The following SCAPER variants were observed in gnomAD, a reference collection of about 807,000 sequenced individuals.
SCAPER encodes the protein S phase cyclin A-associated protein in the endoplasmic reticulum.
A neutral mutation model predicts 182.2 loss-of-function variants in SCAPER; 98 were observed. That is an observed-to-expected ratio of 0.54 (90% CI 0.46 to 0.64). The LOEUF is 0.64. Among genes scored for constraint, SCAPER ranks in the 30% least tolerant of loss-of-function variants. The probability of loss-of-function intolerance (pLI) is 0.00; values close to 1 mark genes in which losing one functional copy is unlikely to be tolerated. For missense variants in SCAPER, 1,432 were observed against 1,690.0 expected (o/e 0.85, Z 2.68); for synonymous variants, 605 against 564.6 (o/e 1.07, Z -1.01).
At chr15:76,780,024 C>T (rs1257326799) in intron 8 of SCAPER, among the ~76,000 whole-genome samples, 1 of 152,218 alleles carries the variant, frequency 6.6e-6, no homozygotes, top group African/African-American at 2.4e-5. Flanking sequence ...CTCATTGTGA[C>T]TGGTTGGACA....
intron 15 of SCAPER, among the ~76,000 whole-genome samples, chr15:76,737,631 CTGAATTCTCTATAGCTA>C (rs937942749): frequency 6.6e-6 from 1 of 152,198 alleles, no homozygotes; most frequent in African/African-American, 2.4e-5. Context: ...AAGCCAAGCT[CTGAATTCTCTATAGCTA>C]TGAAAGTCCT....
At chr15:76,519,147 G>A (rs141741826) in intron 23 of SCAPER, among the ~76,000 whole-genome samples, 2 of 152,306 alleles carry the variant, frequency 1.3e-5, no homozygotes, top group Admixed American at 6.5e-5. Context: ...CTATTCATAA[G>A]GAGCACTTTT....
intron 24 of SCAPER, among the ~76,000 whole-genome samples, chr15:76,492,425 A>C (rs1016677529): frequency 6.6e-6 from 1 of 152,184 alleles, no homozygotes; most frequent in Non-Finnish European, 1.5e-5. Flanking sequence ...GGCAAGCCTG[A>C]AAATTTTTCC....
chr15:76,427,667 G>A (rs2046530204), intron 26 of SCAPER, among the ~76,000 whole-genome samples: 1 of 152,086 alleles, frequency 6.6e-6, no homozygotes, highest in African/African-American at 2.4e-5. Flanking sequence ...AAAACATAAT[G>A]AGACCCTGTC....
At chr15:76,826,569 TAAAA>T (rs35678906) in intron 5 of SCAPER, among the ~76,000 whole-genome samples, 7 of 144,122 alleles carry the variant, frequency 4.9e-5, no homozygotes, top group African/African-American at 5.1e-5. Context: ...TAATAATAAT[TAAAA>T]AAAAAAAAAA....
At chr15:76,707,251 A>G (rs187758260) in intron 17 of SCAPER, among the ~76,000 whole-genome samples, 1 of 152,268 alleles carries the variant, frequency 6.6e-6, no homozygotes, top group East Asian at 1.9e-4. Context: ...TAGAAAACAA[A>G]TATCAAAATG....
At chr15:76,760,124 T>A (rs2062686990) in intron 14 of SCAPER, among the ~76,000 whole-genome samples, 1 of 152,200 alleles carries the variant, frequency 6.6e-6, no homozygotes, top group Non-Finnish European at 1.5e-5. Flanking sequence ...TGTCATATAA[T>A]TCAATCCAAT....
chr15:76,692,061 G>A (rs1159372480), intron 20 of SCAPER, among the ~76,000 whole-genome samples: 1 of 152,120 alleles, frequency 6.6e-6, no homozygotes, highest in Non-Finnish European at 1.5e-5. Flanking sequence ...TAAAAGGCTG[G>A]AAATTGAGAA....
chr15:76,710,794 A>G (rs1317217842), intron 17 of SCAPER, among the ~76,000 whole-genome samples: 1 of 152,172 alleles, frequency 6.6e-6, no homozygotes, highest in African/African-American at 2.4e-5. Flanking sequence ...AACTTTGAAA[A>G]AGAACAAAGA....
At chr15:76,785,332 C>T (rs749557860) in intron 8 of SCAPER, among the ~76,000 whole-genome samples, 2 of 152,204 alleles carry the variant, frequency 1.3e-5, no homozygotes, top group African/African-American at 2.4e-5. Context: ...CATAAGATAC[C>T]GTCTCACACC....
chr15:76,789,072 GAATATA>G (rs939136342), intron 8 of SCAPER, among the ~76,000 whole-genome samples: 6 of 151,946 alleles, frequency 3.9e-5, no homozygotes, highest in African/African-American at 1.4e-4. Flanking sequence ...ATCTTTGTAA[GAATATA>G]AATAGGCATT....
chr15:76,876,165 G>A (rs950943204), intron 2 of SCAPER, among the ~76,000 whole-genome samples: 12 of 152,160 alleles, frequency 7.9e-5, no homozygotes, highest in East Asian at 1.9e-4. Flanking sequence ...CAAGCGCCAC[G>A]CACAGCCCTG....
intron 29 of SCAPER, among the ~76,000 whole-genome samples, chr15:76,360,757 C>A (rs2141724195): frequency 6.6e-6 from 1 of 152,178 alleles, no homozygotes; most frequent in Non-Finnish European, 1.5e-5. Context: ...GCTGGCTGTG[C>A]CAAGGGTTTG....
intron 18 of SCAPER, among the ~76,000 whole-genome samples, chr15:76,705,214 C>A (rs1207954069): frequency 3.4e-5 from 5 of 146,738 alleles, no homozygotes; most frequent in Non-Finnish European, 6.0e-5. Context: ...TGCTATGCAG[C>A]CATAAAAAAA....
intron 17 of SCAPER, among the ~76,000 whole-genome samples, chr15:76,715,539 G>A (rs956166051): frequency 2.0e-5 from 3 of 151,892 alleles, no homozygotes; most frequent in Non-Finnish European, 2.9e-5. Context: ...ACCCCACAGG[G>A]CCCAAGATAC....
intron 26 of SCAPER, among the ~76,000 whole-genome samples, chr15:76,417,885 G>A (rs1196058119): frequency 2.0e-5 from 3 of 152,124 alleles, no homozygotes; most frequent in African/African-American, 7.2e-5. Flanking sequence ...GGGCGTGGTG[G>A]TGCGCGCCTA....
chr15:76,536,266 G>A (rs1424722336), intron 23 of SCAPER, among the ~76,000 whole-genome samples: 5 of 152,112 alleles, frequency 3.3e-5, no homozygotes, highest in African/African-American at 1.2e-4. Context: ...GGCTGAGGCA[G>A]GAGGCTCACT....
chr15:76,772,473 T>C (rs1226228395), intron 9 of SCAPER, among the ~76,000 whole-genome samples: 1 of 152,036 alleles, frequency 6.6e-6, no homozygotes, highest in African/African-American at 2.4e-5. Flanking sequence ...TCAGATAATA[T>C]TAACATGATC....
At chr15:76,406,235 T>C (rs1401290140) in intron 26 of SCAPER, among the ~76,000 whole-genome samples, 2 of 152,176 alleles carry the variant, frequency 1.3e-5, no homozygotes, top group South Asian at 2.1e-4. Flanking sequence ...CCCAGGACTT[T>C]AGGAGGCTGA....
Sources: gnomAD v4.1 joint callset for allele counts (sites outside exome capture counted in the v4.1 genomes callset) on GRCh38, gnomAD v4.1.1 for gene constraint, MANE v1.5 for transcripts, NCBI Gene and HGNC (gene_info 2026-07-23, HGNC 2026-07-21) for gene names.